The following PRDM6 variants were observed in gnomAD, a reference collection of about 807,000 sequenced individuals.
The protein encoded by PRDM6 is PR/SET domain 6, also known as putative histone-lysine N-methyltransferase PRDM6.
A neutral mutation model predicts 60.8 loss-of-function variants in PRDM6; 25 were observed. The observed-to-expected ratio is 0.41, with a 90% confidence interval of 0.30 to 0.57. PRDM6 has a LOEUF of 0.57. Ranked by LOEUF, PRDM6 falls within the 20% of genes least tolerant of loss-of-function variation. The pLI is 0.27. For synonymous variants in PRDM6, 407 were observed against 357.4 expected, an observed-to-expected ratio of 1.14 and a Z score of -1.57; for missense variants, 839 against 821.3, an observed-to-expected ratio of 1.02 and a Z score of -0.26.
chr5:123,091,425 T>C (rs71594326), intron 2 of PRDM6, among the ~76,000 whole-genome samples: 4,792 of 152,316 alleles, frequency 0.031, 101 homozygotes, highest in Middle Eastern at 0.1. Context: ...TACTCCCCTC[T>C]TCCTCCAAGT....
intron 3 of PRDM6, among the ~76,000 whole-genome samples, chr5:123,113,893 G>GAAAGTTTA (rs1561818236): frequency 6.6e-6 from 1 of 152,142 alleles, no homozygotes; most frequent in Non-Finnish European, 1.5e-5. Flanking sequence ...TATTATCCTA[G>GAAAGTTTA]AAAGTTTAAA....
rs942024099 is a variant in PRDM6 at position 123,170,861 on chromosome 5, C to T, written c.1249C>T (p.Arg417Cys). The change falls in exon 6 of 8, where the codon CGC becomes TGC. Residue 417 changes from arginine to cysteine, a missense_variant. This residue lies in a region of PRDM6 where 730 missense variants were observed against 648.8 expected (regional missense o/e 1.13). Transcript: ENST00000407847. ...CAAACTCGCCCCTACCACCCAGCAG[C>T]GCTCCGTTGTTTTCCCCCAGACTCC... Reference protein sequence around the residue: ...SSKLAPTTQQRSVVFPQTPCS... With the variant: ...SSKLAPTTQQCSVVFPQTPCS... 57 of 1,552,120 alleles carry T rather than the reference C, an allele frequency of 3.7e-5. No individual in the cohort carries two copies. The Admixed American group carries it at 1.0e-3, about 28-fold the overall frequency.
chr5:123,090,090 C>T lies in PRDM6; in HGVS notation c.76C>T (p.Leu26Phe), dbSNP rs1763777007. 3 of 1,547,072 alleles carry T rather than the reference C, an allele frequency of 1.9e-6. 1 individual carries two copies. In the African/African-American group the frequency reaches 4.1e-5, roughly 21 times the overall value. The stretch of plus-strand genomic sequence containing the variant: ...AGCCTACCTGCAGCACTGGCAGCAA[C>T]TCTTCCCTCACGGAGGCGCAGGCCC... ...DPAYLQHWQQLFPHGGAGPLK... is the reference protein window; with the variant it reads ...DPAYLQHWQQFFPHGGAGPLK... Residue 26 changes from leucine to phenylalanine, a missense_variant, in exon 2 of 8, where the codon CTC (leucine) becomes TTC (phenylalanine). By Grantham distance (22) the Leu-to-Phe change is conservative. Around this residue, in one of 2 missense-constraint regions of PRDM6, gnomAD observed 730 missense variants for 648.8 expected, o/e 1.13. Transcript: ENST00000407847.
intron 5 of PRDM6, among the ~76,000 whole-genome samples, chr5:123,165,103 C>T (rs1765724339): frequency 6.6e-6 from 1 of 152,278 alleles, no homozygotes; most frequent in Non-Finnish European, 1.5e-5. Flanking sequence ...AATCTGTTTC[C>T]TGGGCGACCT....
At chr5:123,092,594 A>T (rs1283361446) in intron 2 of PRDM6, among the ~76,000 whole-genome samples, 1 of 152,234 alleles carries the variant, frequency 6.6e-6, no homozygotes, top group African/African-American at 2.4e-5. Flanking sequence ...ATAAATTACA[A>T]TTTTATTTAA....
At position 123,155,913 on chromosome 5, in the gene PRDM6, C is replaced by T; in HGVS notation, c.930C>T (p.His310=). 1 of 1,551,594 alleles carries T rather than the reference C, an allele frequency of 6.4e-7. No individual in the cohort carries two copies. The highest frequency in any genetic ancestry group is 1.4e-5 in the African/African-American group (1 of 73,142). ...ATGACCAGGATGGGACACTACAGCA[C>T]TTTATTGATGGTGGGGAACCTAGTA... The part of the protein sequence containing the change: ...EIYDQDGTLQ[H]FIDGGEPSKS... Residue 310 remains histidine (H), a synonymous_variant, in exon 4 of 8, where the codon CAC becomes CAT. Coordinates refer to ENST00000407847, the MANE Select transcript of PRDM6 (RefSeq NM_001136239.4).
intron 3 of PRDM6, among the ~76,000 whole-genome samples, chr5:123,105,012 A>AT (rs1403913536): frequency 1.1e-4 from 17 of 152,338 alleles, no homozygotes; most frequent in African/African-American, 4.1e-4. Flanking sequence ...CCATTTGGAC[A>AT]TTCTCACATC....
chr5:123,187,297 A>T lies in PRDM6; in HGVS notation c.*96A>T, dbSNP rs750401988. The T allele has an allele frequency of 2.2e-6, 2 of 916,564 alleles. No homozygotes were observed. Among genetic ancestry groups the T allele is most frequent in the Non-Finnish European group, 3.4e-6 (2 of 582,202 alleles). 56.8% of individuals were successfully genotyped at this position (916,564 alleles called of 1,614,324 possible). The stretch of plus-strand genomic sequence containing the variant: ...AAAGATTTCCTCTGAGCAACTTTCA[A>T]TCAGTCCCAGAAAACCAAAAGCAGT... On this transcript the variant is annotated 3_prime_UTR_variant, in exon 8 of 8. Transcript: ENST00000407847.
rs528235033 is a variant in PRDM6 at position 123,113,326 on chromosome 5, A to C, written c.900+13365A>C. Among the ~76,000 whole-genome samples the C allele has an allele frequency of 1.2e-4, 19 of 152,348 alleles. No individual in the cohort carries two copies. In the South Asian group the frequency reaches 3.7e-3, roughly 30 times the overall value. On this transcript the variant is annotated intron_variant, in intron 3 of 7. Coordinates refer to ENST00000407847, the MANE Select transcript of PRDM6 (RefSeq NM_001136239.4). ...TTCCCAGCAGCCAAGAATGCCTAGCATACATAGAGCATTTAAAAATTCTCT... is the reference window on the plus strand; with the variant it reads ...TTCCCAGCAGCCAAGAATGCCTAGCCTACATAGAGCATTTAAAAATTCTCT...
intron 3 of PRDM6, among the ~76,000 whole-genome samples, chr5:123,124,508 A>G (rs1267843119): frequency 1.3e-5 from 2 of 152,250 alleles, no homozygotes; most frequent in African/African-American, 2.4e-5. Flanking sequence ...GTTATTTCAG[A>G]CAATAGCCCA....
intron 3 of PRDM6, among the ~76,000 whole-genome samples, chr5:123,125,010 A>G (rs1282509527): frequency 2.0e-5 from 3 of 151,648 alleles, no homozygotes; most frequent in Admixed American, 1.3e-4. Flanking sequence ...TGAAGGTTTG[A>G]TGCCAGAATT....
intron 7 of PRDM6, among the ~76,000 whole-genome samples, chr5:123,181,517 G>C (rs1766161295): frequency 6.6e-6 from 1 of 152,198 alleles, no homozygotes; most frequent in Admixed American, 6.5e-5. Context: ...TCTCAGAGCA[G>C]TTTTTATGGT....
chr5:123,184,982 G>A (rs1766251372), intron 7 of PRDM6, among the ~76,000 whole-genome samples: 1 of 152,036 alleles, frequency 6.6e-6, no homozygotes, highest in Non-Finnish European at 1.5e-5. Context: ...GATTTTTCTG[G>A]AATACTCTTC....
At chr5:123,092,829 C>CT (rs1272181337) in intron 2 of PRDM6, among the ~76,000 whole-genome samples, 3 of 152,200 alleles carry the variant, frequency 2.0e-5, no homozygotes, top group African/African-American at 7.2e-5. Flanking sequence ...CTTCCAGGAA[C>CT]TTCTCTGGAC....
chr5:123,155,862 G>T (rs1330720827), intron 3 of PRDM6, 22 bp from the exon 4 acceptor site: 3 of 1,548,178 alleles, frequency 1.9e-6, no homozygotes, highest in South Asian at 1.2e-5. Flanking sequence ...CTAACTACTT[G>T]ACCTTCTGAC....
intron 3 of PRDM6, among the ~76,000 whole-genome samples, chr5:123,152,405 A>G (rs1330493584): frequency 6.6e-6 from 1 of 152,188 alleles, no homozygotes; most frequent in African/African-American, 2.4e-5. Context: ...TTGATTTTTC[A>G]GAAGTTAGAA....
At chr5:123,135,246 C>T (rs1298215157) in intron 3 of PRDM6, among the ~76,000 whole-genome samples, 1 of 152,180 alleles carries the variant, frequency 6.6e-6, no homozygotes. Context: ...CTACCTTTGC[C>T]TGTGTGCATT....
chr5:123,090,101 C>A lies in PRDM6; in HGVS notation c.87C>A (p.His29Gln). The change falls in exon 2 of 8, where the codon CAC becomes CAA. Residue 29 changes from histidine (H) to glutamine (Q), a missense_variant. His to Gln is a conservative substitution (Grantham distance 24). Around this residue, in one of 2 missense-constraint regions of PRDM6, gnomAD observed 730 missense variants for 648.8 expected, o/e 1.13. Transcript: ENST00000407847. ...AGCACTGGCAGCAACTCTTCCCTCA[C>A]GGAGGCGCAGGCCCGCTCAAGGGCA... ...YLQHWQQLFP[H>Q]GGAGPLKGSG... The A allele has an allele frequency of 1.3e-6, 2 of 1,546,416 alleles. No individual in the cohort carries two copies. The highest frequency in any genetic ancestry group is 2.0e-5 in the Admixed American group (1 of 50,908).
intron 3 of PRDM6, among the ~76,000 whole-genome samples, chr5:123,146,355 G>A (rs1187271157): frequency 1.3e-5 from 2 of 152,198 alleles, no homozygotes; most frequent in Non-Finnish European, 1.5e-5. Flanking sequence ...CGCAGTGTGA[G>A]CATTAACTTA....
Sources: allele counts gnomAD v4.1 joint callset (sites outside exome capture counted in the v4.1 genomes callset), GRCh38; gene constraint gnomAD v4.1.1; regional missense constraint gnomAD v4.1.1; transcripts MANE v1.5; gene names NCBI Gene and HGNC (gene_info 2026-07-23, HGNC 2026-07-21).